ITPR1: variants seen among roughly 807,000 people sequenced by gnomAD.
The protein encoded by ITPR1 is inositol 1,4,5-trisphosphate receptor type 1.
In ITPR1, 96 loss-of-function variants were observed where a neutral mutation model predicts 318.4. The ratio of observed to expected loss-of-function variants is 0.30; its 90% CI spans 0.26 to 0.36. The LOEUF is 0.36. Among genes scored for constraint, ITPR1 ranks in the 10% least tolerant of loss-of-function variants. The probability of loss-of-function intolerance (pLI) is 1.00; values close to 1 mark genes in which losing one functional copy is unlikely to be tolerated. For synonymous variants in ITPR1, 1,312 were observed against 1,289.9 expected, an observed-to-expected ratio of 1.02 and a Z score of -0.37; for missense variants, 2,440 against 3,460.2, an observed-to-expected ratio of 0.71 and a Z score of 7.40.
intron 4 of ITPR1, among the ~76,000 whole-genome samples, chr3:4,521,710 A>G (rs1243492333): frequency 6.6e-6 from 1 of 152,124 alleles, no homozygotes; most frequent in Non-Finnish European, 1.5e-5. Flanking sequence ...CTCTACTGAA[A>G]ATACAGAAAT....
intron 4 of ITPR1, among the ~76,000 whole-genome samples, chr3:4,577,070 A>G (rs2088746787): frequency 6.6e-6 from 1 of 152,190 alleles, no homozygotes; most frequent in Admixed American, 6.5e-5. Context: ...AAGTATGGGA[A>G]TTTTTCCTAC....
chr3:4,648,820 A>G (rs575953430), intron 10 of ITPR1, among the ~76,000 whole-genome samples: 318 of 152,296 alleles, frequency 2.1e-3, no homozygotes, highest in Non-Finnish European at 3.5e-3. Context: ...CGAAAAGAAA[A>G]GTTGTTTTGT....
At chr3:4,671,070 T>C in intron 20 of ITPR1, 144 bp downstream of exon 20, 1 of 628,242 alleles carries the variant, frequency 1.6e-6, no homozygotes. Context: ...ATGTGTGTTT[T>C]AGGAGTTTGG....
intron 60 of ITPR1, among the ~76,000 whole-genome samples, chr3:4,829,962 T>TG (rs1362568723): frequency 2.1e-5 from 2 of 93,308 alleles, no homozygotes; most frequent in African/African-American, 3.5e-5. Context: ...CAGTTTTTTT[T>TG]TTTTTTTTTT....
intron 39 of ITPR1, among the ~76,000 whole-genome samples, chr3:4,714,322 C>T (rs1369892696): frequency 2.0e-5 from 3 of 152,118 alleles, no homozygotes; most frequent in Non-Finnish European, 2.9e-5. Flanking sequence ...GTGTGGAGGC[C>T]GTTTCCCTCC....
chr3:4,574,696 C>T (rs1237269891), intron 4 of ITPR1, among the ~76,000 whole-genome samples: 4 of 152,210 alleles, frequency 2.6e-5, no homozygotes, highest in Admixed American at 2.6e-4. Context: ...GAGCAGAGTA[C>T]TTCTACCTTA....
At position 4,806,563 on chromosome 3, in the gene ITPR1, C is replaced by T. The variant is rs375021632; in HGVS notation, c.7272+296C>T. Reference sequence around the variant, plus strand: ...GTTCAGGAGATGTTTCCTTTCCATGCACCTTTGTTTTTCTTTACTTCTTAG... The same window carrying T: ...GTTCAGGAGATGTTTCCTTTCCATGTACCTTTGTTTTTCTTTACTTCTTAG... On this transcript the variant is annotated intron_variant, in intron 55 of 61. Transcript: ENST00000649015. Among the ~76,000 whole-genome samples the T allele has an allele frequency of 1.9e-4, 29 of 152,304 alleles. 1 individual carries two copies. In the South Asian group the frequency reaches 2.7e-3, roughly 14 times the overall value.
At chr3:4,568,193 T>C (rs2087578607) in intron 4 of ITPR1, among the ~76,000 whole-genome samples, 1 of 152,202 alleles carries the variant, frequency 6.6e-6, no homozygotes. Flanking sequence ...TAGCTAGTGA[T>C]GTTGTTGTGG....
At chr3:4,795,238 A>C in intron 53 of ITPR1, 51 bp downstream of exon 53, 4 of 1,578,100 alleles carry the variant, frequency 2.5e-6, no homozygotes, top group Non-Finnish European at 3.5e-6. Context: ...CAGGAAGGCT[A>C]GGACTTGCAT....
At chr3:4,612,294 T>A (rs915428068) in intron 4 of ITPR1, among the ~76,000 whole-genome samples, 6 of 151,864 alleles carry the variant, frequency 4.0e-5, no homozygotes, top group African/African-American at 1.5e-4. Context: ...GCTCCTGACC[T>A]CAGGTGATCC....
chr3:4,797,668 A>G (rs1204335337), intron 53 of ITPR1, among the ~76,000 whole-genome samples: 2 of 152,226 alleles, frequency 1.3e-5, no homozygotes, highest in East Asian at 1.9e-4. Flanking sequence ...TACTTTTTAA[A>G]TGTTTTTATT....
At chr3:4,592,685 G>A (rs1007399375) in intron 4 of ITPR1, among the ~76,000 whole-genome samples, 2 of 152,166 alleles carry the variant, frequency 1.3e-5, no homozygotes, top group African/African-American at 4.8e-5. Flanking sequence ...CCACACCATC[G>A]TCTGCAACTC....
chr3:4,627,869 C>T lies in ITPR1; in HGVS notation c.270C>T (p.Asn90=), dbSNP rs2125129301. 6.2e-7 allele frequency: 1 copy of T among 1,608,268 alleles called. No individual in the cohort carries two copies. The highest frequency in any genetic ancestry group is 8.5e-7 in the Non-Finnish European group (1 of 1,175,608). Residue 90 remains asparagine, a synonymous_variant, in exon 5 of 62, where the codon AAC becomes AAT. Coordinates refer to ENST00000649015, the MANE Select transcript of ITPR1 (RefSeq NM_001378452.1). ...ANSTTDAVLL[N]KLHHAADLEK... Reference sequence around the variant, plus strand: ...GCACCACAGACGCAGTGCTACTCAACAAACTGCACGTACGTATTGCCATGG... The same window carrying T: ...GCACCACAGACGCAGTGCTACTCAATAAACTGCACGTACGTATTGCCATGG...
At chr3:4,664,304 G>A (rs980956099) in intron 16 of ITPR1, among the ~76,000 whole-genome samples, 2 of 152,154 alleles carry the variant, frequency 1.3e-5, no homozygotes, top group Non-Finnish European at 1.5e-5. Context: ...ACAAATTAGA[G>A]GCAGTAAAGT....
At chr3:4,794,998 A>G in intron 52 of ITPR1, 67 bp from the exon 53 acceptor site, 8 of 1,504,856 alleles carry the variant, frequency 5.3e-6, no homozygotes, top group Non-Finnish European at 7.1e-6. Context: ...CGGAAGGGCC[A>G]CATTGCATTC....
intron 18 of ITPR1, among the ~76,000 whole-genome samples, chr3:4,668,796 A>G (rs760811849): frequency 8.5e-5 from 13 of 152,172 alleles, no homozygotes; most frequent in Non-Finnish European, 1.8e-4. Context: ...CTTGCTTATC[A>G]GTTAAACACT....
intron 4 of ITPR1, among the ~76,000 whole-genome samples, chr3:4,567,746 C>T (rs1230383201): frequency 1.3e-5 from 2 of 152,106 alleles, no homozygotes; most frequent in East Asian, 3.8e-4. Flanking sequence ...GGACTACAGG[C>T]ATGCGTCACC....
chr3:4,804,334 G>A (rs1245448371), intron 54 of ITPR1, among the ~76,000 whole-genome samples: 3 of 152,196 alleles, frequency 2.0e-5, no homozygotes, highest in African/African-American at 7.2e-5. Context: ...GGGTGCGCTG[G>A]GAGACTTGTC....
At chr3:4,609,001 TAAAAAAA>T (rs56738231) in intron 4 of ITPR1, among the ~76,000 whole-genome samples, 1 of 53,426 alleles carries the variant, frequency 1.9e-5, no homozygotes, top group Non-Finnish European at 3.9e-5. Flanking sequence ...ACTCCGTCTT[TAAAAAAA>T]AAAAAAAAAA....
Sources: allele counts gnomAD v4.1 joint callset (sites outside exome capture counted in the v4.1 genomes callset), GRCh38; gene constraint gnomAD v4.1.1; transcripts MANE v1.5; gene names NCBI Gene and HGNC (gene_info 2026-07-23, HGNC 2026-07-21).